CASQ2: variants seen among roughly 807,000 people sequenced by gnomAD.
CASQ2 encodes the protein calsequestrin-2.
CASQ2 carries 49 observed loss-of-function variants against 46.5 expected under a neutral mutation model. The observed-to-expected ratio is 1.05, with a 90% CI of 0.84 to 1.34. The LOEUF (loss-of-function observed/expected upper bound fraction) is 1.34. CASQ2 is among the 40% of genes most tolerant of loss of function. The pLI is 0.00. For synonymous variants in CASQ2, 174 were observed against 168.5 expected (o/e 1.03, Z -0.25); for missense variants, 486 against 481.3 (o/e 1.01, Z -0.09).
intron 1 of CASQ2, among the ~76,000 whole-genome samples, chr1:115,750,999 AG>A (rs1292142602): frequency 6.7e-6 from 1 of 149,754 alleles, no homozygotes; most frequent in Non-Finnish European, 1.5e-5. Flanking sequence ...TTAAGTGCAC[AG>A]GGCTTGGAAT....
chr1:115,721,154 T>C lies in CASQ2; in HGVS notation c.784-3260A>G, dbSNP rs1051342265. ...GGGGTCTCTGACCCCATCTTGAAAG[T>C]ATTTTGTTGTTGCAATATAGGGAGG... On this transcript the variant is annotated intron_variant, in intron 7 of 10. Coordinates refer to ENST00000261448, the MANE Select transcript of CASQ2 (RefSeq NM_001232.4). 3.9e-5 allele frequency among the ~76,000 whole-genome samples: 6 copies of C among 152,286 alleles called. No homozygotes were observed. The East Asian group carries it at 5.8e-4, about 15-fold the overall frequency.
chr1:115,723,147 T>G (rs912048242), intron 7 of CASQ2, among the ~76,000 whole-genome samples: 8 of 152,226 alleles, frequency 5.3e-5, no homozygotes, highest in Non-Finnish European at 8.8e-5. Flanking sequence ...AGAGACGTTT[T>G]TCTTTTGCAG....
chr1:115,711,364 T>G (rs563152448), intron 8 of CASQ2, among the ~76,000 whole-genome samples: 18 of 152,194 alleles, frequency 1.2e-4, no homozygotes, highest in Admixed American at 1.0e-3. Flanking sequence ...GGTCTGGAGT[T>G]TAAAGACCTT....
At chr1:115,723,701 C>G (rs570936648) in intron 7 of CASQ2, among the ~76,000 whole-genome samples, 54 of 152,128 alleles carry the variant, frequency 3.5e-4, no homozygotes, top group Non-Finnish European at 8.8e-5. Flanking sequence ...CCATACTCGG[C>G]TAATTTTTGT....
At chr1:115,736,165 A>G (rs1490383331) in intron 4 of CASQ2, among the ~76,000 whole-genome samples, 13 of 131,444 alleles carry the variant, frequency 9.9e-5, no homozygotes, top group East Asian at 8.5e-4. Context: ...CTCCATCCCG[A>G]AAAAAAAAAA....
In CASQ2 at chr1:115,725,529, T is replaced by A. The variant is rs753016201; in HGVS notation, c.762A>T (p.Pro254=). The change falls in exon 7 of 11, where the codon CCA becomes CCT. Residue 254 remains proline (P), a synonymous_variant. Coordinates refer to ENST00000261448, the MANE Select transcript of CASQ2 (RefSeq NM_001232.4). The stretch of plus-strand genomic sequence containing the variant: ...TTACCCATGTTTCAAACATTTCTTC[T>A]GGGCGCAGGCGACGTAGAGTGGGTC... ...HQRPTLRRLR[P]EEMFETWEDD... The A allele has an allele frequency of 6.4e-7, 1 of 1,573,020 alleles. No homozygotes were observed. The highest frequency in any genetic ancestry group is 8.7e-7 in the Non-Finnish European group (1 of 1,154,286).
At chr1:115,707,125 T>C (rs181919185) in intron 8 of CASQ2, among the ~76,000 whole-genome samples, 21 of 151,934 alleles carry the variant, frequency 1.4e-4, no homozygotes, top group Non-Finnish European at 3.1e-4. Context: ...CCAGTGATCC[T>C]CCTGTGTCAG....
chr1:115,711,201 C>T (rs1654533479), intron 8 of CASQ2, among the ~76,000 whole-genome samples: 2 of 152,186 alleles, frequency 1.3e-5, no homozygotes, highest in South Asian at 4.1e-4. Context: ...AAGTTCTGGG[C>T]CTCAGGGTCT....
At chr1:115,767,186 C>T (rs532033395) in intron 1 of CASQ2, among the ~76,000 whole-genome samples, 11 of 152,212 alleles carry the variant, frequency 7.2e-5, no homozygotes, top group African/African-American at 2.2e-4. Context: ...TCGTTCTTTT[C>T]CAGCCTGTGA....
At chr1:115,768,262 G>A (rs970014488) in intron 1 of CASQ2, 46 bp downstream of exon 1, 3 of 1,239,412 alleles carry the variant, frequency 2.4e-6, no homozygotes, top group Non-Finnish European at 3.6e-6. Context: ...CATTCCCTCG[G>A]CACCTCACTG....
intron 1 of CASQ2, among the ~76,000 whole-genome samples, chr1:115,755,463 G>T (rs1236398492): frequency 6.6e-6 from 1 of 152,176 alleles, no homozygotes; most frequent in African/African-American, 2.4e-5. Flanking sequence ...TAAAAAGGGG[G>T]TGAGGTGCTT....
At position 115,743,982 on chromosome 1, in the gene CASQ2, CAAA is replaced by C. The variant is rs11462500; in HGVS notation, c.319+843_319+845del. On this transcript the variant is annotated intron_variant, in intron 2 of 10. Transcript: ENST00000261448. ...TGAAACCCTGTCTCTCATAAAAATA[CAAA>C]AAAAAAAAATGAACTGAGCGTGGTG... 2.3e-4 allele frequency among the ~76,000 whole-genome samples: 35 copies of C among 149,088 alleles called. No individual in the cohort carries two copies. In the East Asian group the frequency reaches 4.7e-3, roughly 20 times the overall value.
In CASQ2 at chr1:115,740,744, A is replaced by G; in HGVS notation, c.404T>C (p.Val135Ala). 1 of 1,610,572 alleles carries G rather than the reference A, an allele frequency of 6.2e-7. No individual in the cohort carries two copies. Among genetic ancestry groups the G allele is most frequent in the Non-Finnish European group, 8.5e-7 (1 of 1,176,824 alleles). ...FDGEFAADVL[V>A]EFLLDLIEDP... ...AATACTTACATCCAAGAGGAACTCC[A>G]CCAAGACATCAGCTGCAAACTCGCC... is the stretch of plus-strand genomic sequence containing the variant. Residue 135 changes from valine (V) to alanine (A), a missense_variant, in exon 3 of 11, where the codon GTG (valine) becomes GCG (alanine). By Grantham distance (64) the Val-to-Ala change is moderately conservative (BLOSUM62 0). Transcript: ENST00000261448.
At chr1:115,723,301 CTATT>C (rs1320918982) in intron 7 of CASQ2, among the ~76,000 whole-genome samples, 4 of 135,200 alleles carry the variant, frequency 3.0e-5, no homozygotes, top group African/African-American at 5.7e-5. Flanking sequence ...CTATATCTAT[CTATT>C]TATCTATCTA....
chr1:115,740,879 G>C (rs773828359), intron 2 of CASQ2, 51 bp from the exon 3 acceptor site: 13 of 1,279,122 alleles, frequency 1.0e-5, no homozygotes, highest in Middle Eastern at 1.8e-4. Context: ...CGTAGGAAGA[G>C]TGATTGTATT....
chr1:115,732,269 C>A (rs1647814009), intron 5 of CASQ2: 1 of 152,646 alleles, frequency 6.6e-6, no homozygotes, highest in African/African-American at 2.4e-5. Context: ...CTCAAGATCC[C>A]TCCCAACTGT....
At chr1:115,711,032 T>C (rs1250255448) in intron 8 of CASQ2, among the ~76,000 whole-genome samples, 2 of 152,174 alleles carry the variant, frequency 1.3e-5, no homozygotes, top group Non-Finnish European at 2.9e-5. Context: ...CAGAGGCTCA[T>C]GTGTCTCAGA....
At chr1:115,704,546 A>G (rs1446419400) in intron 9 of CASQ2, among the ~76,000 whole-genome samples, 2 of 152,240 alleles carry the variant, frequency 1.3e-5, no homozygotes, top group African/African-American at 2.4e-5. Flanking sequence ...CAGTACCAGT[A>G]CTTATTATCA....
intron 4 of CASQ2, among the ~76,000 whole-genome samples, chr1:115,737,625 CT>C: frequency 6.6e-6 from 1 of 152,338 alleles, no homozygotes; most frequent in East Asian, 1.9e-4. Context: ...CCACCACCCG[CT>C]CATCCCTATA....
Sources: allele counts gnomAD v4.1 joint callset (sites outside exome capture counted in the v4.1 genomes callset), GRCh38; gene constraint gnomAD v4.1.1; transcripts MANE v1.5; gene names NCBI Gene and HGNC (gene_info 2026-07-23, HGNC 2026-07-21).